The following TTF2 variants were observed in gnomAD, a reference collection of about 807,000 sequenced individuals.
The protein encoded by TTF2 is transcription termination factor 2.
In TTF2, 108 loss-of-function variants were observed where a neutral mutation model predicts 142.4. The observed-to-expected ratio is 0.76, with a 90% CI of 0.65 to 0.89. TTF2 has a LOEUF of 0.89. TTF2 is among the 40% of genes least tolerant of loss of function. The probability of loss-of-function intolerance (pLI) is 0.00; values close to 1 mark genes in which losing one functional copy is unlikely to be tolerated. For missense variants in TTF2, 1,327 were observed against 1,379.8 expected, an observed-to-expected ratio of 0.96 and a Z score of 0.61; for synonymous variants, 483 against 506.2, an observed-to-expected ratio of 0.95 and a Z score of 0.61.
At chr1:117,083,310 G>A (rs959021704) in intron 10 of TTF2, among the ~76,000 whole-genome samples, 5 of 152,042 alleles carry the variant, frequency 3.3e-5, no homozygotes, top group Non-Finnish European at 7.4e-5. Flanking sequence ...TGTTGCAGCT[G>A]GGTCCTATAT....
rs1169026748 is a variant in TTF2, at chr1:117,063,024, A to C, written c.218+551A>C. Among the ~76,000 whole-genome samples, 1 of 152,192 alleles carries C rather than the reference A, an allele frequency of 6.6e-6. No homozygotes were observed. The highest frequency in any genetic ancestry group is 2.4e-5 in the African/African-American group (1 of 41,454). On this transcript the variant is annotated intron_variant, in intron 3 of 22. Transcript: ENST00000369466. The surrounding 1 kb of genome is among the most constrained non-coding windows in gnomAD (Gnocchi z 4.1). ...AGGCATGAATTAACATGGCATTTTC[A>C]GGGAAAATTTGATTTGTTAATAGTT...
intron 1 of TTF2, 34 bp downstream of exon 1, chr1:117,060,408 G>C (rs370145828): frequency 5.5e-5 from 88 of 1,608,148 alleles, no homozygotes; most frequent in Non-Finnish European, 7.3e-5. Flanking sequence ...CCCGGGGCCT[G>C]TTGATTTAGC....
Position 117,105,917 on chromosome 1 carries a change from G to A in TTF2, c.*4393G>A, listed in dbSNP as rs1417851714. 1 of 152,090 alleles carries A rather than the reference G, an allele frequency of 6.6e-6. No homozygotes were observed. The highest frequency in any genetic ancestry group is 1.5e-5 in the Non-Finnish European group (1 of 68,030). The allele number at this position is 152,090 out of a possible 1,614,324, so 9.4% of individuals were successfully genotyped here. The stretch of plus-strand genomic sequence containing the variant: ...CTGTTGCTCAATGAAATGGCTTTTA[G>A]CAGGGCTCAAAGGTGAAGCCAGATT... On this transcript the variant is annotated 3_prime_UTR_variant, in exon 23 of 23. Coordinates refer to ENST00000369466, the MANE Select transcript of TTF2 (RefSeq NM_003594.4). The surrounding 1 kb of genome is among the most constrained non-coding windows in gnomAD (Gnocchi z 4.7).
intron 2 of TTF2, 75 bp from the exon 3 acceptor site, chr1:117,062,312 A>C: frequency 7.3e-7 from 1 of 1,371,598 alleles, no homozygotes; most frequent in Non-Finnish European, 1.0e-6. Context: ...AAAAACCCAT[A>C]GTTTTGATTT....
chr1:117,071,739 C>G (rs549169040), intron 3 of TTF2, among the ~76,000 whole-genome samples: 22 of 152,242 alleles, frequency 1.4e-4, no homozygotes, highest in Non-Finnish European at 4.4e-5. Flanking sequence ...TAATTACGTA[C>G]AACAGGCAAG....
Position 117,095,702 on chromosome 1 carries a change from G to A in TTF2, c.3035+335G>A, listed in dbSNP as rs138847387. Among the ~76,000 whole-genome samples the A allele has an allele frequency of 1.2e-3, 176 of 152,300 alleles. 1 individual carries two copies. Among genetic ancestry groups the A allele is most frequent in the Admixed American group, 2.0e-3 (30 of 15,296 alleles). On this transcript the variant is annotated intron_variant, in intron 19 of 22. Coordinates refer to ENST00000369466, the MANE Select transcript of TTF2 (RefSeq NM_003594.4). ...GACTCATTTGTTATACCTGACATAT[G>A]TGCTATACACCTGCATTATTTATAA...
rs1357652694 is a variant in TTF2 at position 117,075,585 on chromosome 1, C to T, written c.1001C>T (p.Pro334Leu). The T allele has an allele frequency of 2.5e-6, 4 of 1,614,156 alleles. No individual in the cohort carries two copies. Among genetic ancestry groups the T allele is most frequent in the Non-Finnish European group, 3.4e-6 (4 of 1,180,020 alleles). Residue 334 changes from proline to leucine, a missense_variant, in exon 5 of 23, where the codon CCA becomes CTA. By Grantham distance (98) the Pro-to-Leu change is moderately conservative. Coordinates refer to ENST00000369466, the MANE Select transcript of TTF2 (RefSeq NM_003594.4). This position sits in a 1 kb window ranked among gnomAD's most constrained non-coding sequence, Gnocchi z 4.5. The part of the protein sequence containing the change: ...APGGPAAQAA[P>L]AAPGLSLGEG... ...GGAGGACCAGCGGCTCAGGCTGCAC[C>T]AGCAGCACCAGGGCTTTCCCTGGGT...
intron 3 of TTF2, among the ~76,000 whole-genome samples, chr1:117,065,553 C>T (rs780237128): frequency 1.9e-4 from 29 of 152,054 alleles, no homozygotes; most frequent in African/African-American, 6.3e-4. Flanking sequence ...GCCGGGATCG[C>T]GCCACCGCAC....
At chr1:117,089,229 A>C (rs1648325155) in intron 13 of TTF2, among the ~76,000 whole-genome samples, 1 of 144,752 alleles carries the variant, frequency 6.9e-6, no homozygotes, top group Non-Finnish European at 1.5e-5. Flanking sequence ...TTATATATGC[A>C]AAATATATGC....
chr1:117,086,722 C>T lies in TTF2; in HGVS notation c.2160+200C>T, dbSNP rs1180098981. On this transcript the variant is annotated intron_variant, in intron 12 of 22. Coordinates refer to ENST00000369466, the MANE Select transcript of TTF2 (RefSeq NM_003594.4). The surrounding 1 kb of genome is among the most constrained non-coding windows in gnomAD (Gnocchi z 4.2). Reference sequence around the variant, plus strand: ...AACCACCTCAGTGATAAAGATCAACCTATGCCACAGGATTCAGCTGCCTTT... The same window carrying T: ...AACCACCTCAGTGATAAAGATCAACTTATGCCACAGGATTCAGCTGCCTTT... Among the ~76,000 whole-genome samples the T allele has an allele frequency of 1.3e-5, 2 of 152,152 alleles. No individual in the cohort carries two copies. The highest frequency in any genetic ancestry group is 3.8e-4 in the East Asian group (2 of 5,202).
intron 3 of TTF2, among the ~76,000 whole-genome samples, chr1:117,064,758 A>G (rs1008766939): frequency 3.3e-5 from 5 of 150,862 alleles, no homozygotes; most frequent in African/African-American, 1.2e-4. Context: ...AGCTCAGGCA[A>G]TCTACACATC....
chr1:117,082,647 C>G (rs775747099), intron 10 of TTF2, among the ~76,000 whole-genome samples: 7 of 152,066 alleles, frequency 4.6e-5, no homozygotes, highest in South Asian at 4.1e-4. Context: ...TTCTGAAATT[C>G]TAGAAGTTCC....
Position 117,088,883 on chromosome 1 carries a change from A to G in TTF2, c.2243A>G (p.Gln748Arg), listed in dbSNP as rs753012390. Residue 748 changes from glutamine to arginine, a missense_variant, in exon 13 of 23, where the codon CAG (glutamine) becomes CGG (arginine). Coordinates refer to ENST00000369466, the MANE Select transcript of TTF2 (RefSeq NM_003594.4). ...CACAATGTTAAGAATCCCCGAGTGC[A>G]GACTTCCATAGCTGTGTGTAAGCTA... ...EAHNVKNPRV[Q>R]TSIAVCKLQA... is the part of the protein sequence containing the mutation. 1 of 1,614,230 alleles carries G rather than the reference A, an allele frequency of 6.2e-7. No homozygotes were observed. Among genetic ancestry groups the G allele is most frequent in the South Asian group, 1.1e-5 (1 of 91,086 alleles).
At chr1:117,089,968 G>T in intron 13 of TTF2, 87 bp from the exon 14 acceptor site, 1 of 1,440,160 alleles carries the variant, frequency 6.9e-7, no homozygotes, top group Non-Finnish European at 9.4e-7. Context: ...AATCTGATTT[G>T]TCATCTTATA....
intron 10 of TTF2, among the ~76,000 whole-genome samples, chr1:117,083,190 C>T (rs1273572129): frequency 1.3e-5 from 2 of 148,508 alleles, no homozygotes; most frequent in South Asian, 2.1e-4. Flanking sequence ...TGCAGTGAGC[C>T]GAGATCGTGC....
Position 117,076,315 on chromosome 1 carries a change from G to A in TTF2, c.1390+21G>A. On this transcript the variant is annotated intron_variant, in intron 6 of 22. Transcript: ENST00000369466. This position sits in a 1 kb window ranked among gnomAD's most constrained non-coding sequence, Gnocchi z 4.6. ...GCAAGGTAAAGTGGCTTATGCCTCA[G>A]AACTCCGGGTTTGCATCGACTTTAC... 6.3e-7 allele frequency: 1 copy of A among 1,592,052 alleles called. No individual in the cohort carries two copies. Among genetic ancestry groups the A allele is most frequent in the Non-Finnish European group, 8.6e-7 (1 of 1,163,216 alleles).
Position 117,076,574 on chromosome 1 carries a change from C to A in TTF2, c.1391-67C>A. Reference sequence around the variant, plus strand: ...TGATCCCTCTCTCTTGACCTCACCTCCACACATATGGTCCCTTCACTTAGT... The same window carrying A: ...TGATCCCTCTCTCTTGACCTCACCTACACACATATGGTCCCTTCACTTAGT... On this transcript the variant is annotated intron_variant, in intron 6 of 22. Coordinates refer to ENST00000369466, the MANE Select transcript of TTF2 (RefSeq NM_003594.4). This position sits in a 1 kb window ranked among gnomAD's most constrained non-coding sequence, Gnocchi z 4.6. 6.7e-7 allele frequency: 1 copy of A among 1,500,208 alleles called. No individual in the cohort carries two copies. Among genetic ancestry groups the A allele is most frequent in the Non-Finnish European group, 9.0e-7 (1 of 1,106,346 alleles). The allele number at this position is 1,500,208 out of a possible 1,614,324, so 92.9% of individuals were successfully genotyped here. A position where few individuals can be genotyped will look rare whatever the true frequency, so the allele number is the denominator to read the frequency against.
In TTF2 at chr1:117,074,831, A is replaced by G. The variant is rs1031786356; in HGVS notation, c.286-39A>G. On this transcript the variant is annotated intron_variant, in intron 4 of 22. Coordinates refer to ENST00000369466, the MANE Select transcript of TTF2 (RefSeq NM_003594.4). Reference sequence around the variant, plus strand: ...AAGGCATTCTAGATACGAAGTTTGTATTAATATTTTATATGAAGATTAATT... The same window carrying G: ...AAGGCATTCTAGATACGAAGTTTGTGTTAATATTTTATATGAAGATTAATT... 4.0e-6 allele frequency: 6 copies of G among 1,500,156 alleles called. No homozygotes were observed. In the Admixed American group the frequency reaches 7.0e-5, roughly 17 times the overall value. The allele number at this position is 1,500,156 out of a possible 1,614,324, so 92.9% of individuals were successfully genotyped here.
At chr1:117,077,217 C>T (rs1342894042) in intron 7 of TTF2, among the ~76,000 whole-genome samples, 5 of 152,066 alleles carry the variant, frequency 3.3e-5, no homozygotes, top group Non-Finnish European at 7.4e-5. Context: ...GAGGGACTAC[C>T]GTAGATGTCT....
Sources: gnomAD v4.1 joint callset for allele counts (sites outside exome capture counted in the v4.1 genomes callset) on GRCh38, gnomAD v4.1.1 for gene constraint, Gnocchi (gnomAD v3.1) non-coding constraint, MANE v1.5 for transcripts, NCBI Gene and HGNC (gene_info 2026-07-23, HGNC 2026-07-21) for gene names.